GFPT1: variants seen among roughly 807,000 people sequenced by gnomAD.
GFPT1 encodes the protein glutamine--fructose-6-phosphate aminotransferase [isomerizing] 1.
GFPT1 carries 40 observed loss-of-function variants against 92.0 expected under a neutral mutation model. The observed-to-expected ratio is 0.43, with a 90% CI of 0.34 to 0.57. GFPT1 has a LOEUF of 0.57. Among genes scored for constraint, GFPT1 ranks in the 20% least tolerant of loss-of-function variants. The pLI, the probability that GFPT1 is intolerant of heterozygous loss-of-function variation, is 0.02. For missense variants in GFPT1, 448 were observed against 869.1 expected, an observed-to-expected ratio of 0.52 and a Z score of 6.09; for synonymous variants, 269 against 280.6, an observed-to-expected ratio of 0.96 and a Z score of 0.41.
chr2:69,363,477 A>G (rs2104665588), intron 4 of GFPT1, 68 bp downstream of exon 4: 1 of 1,444,216 alleles, frequency 6.9e-7, no homozygotes, highest in South Asian at 1.1e-5. Flanking sequence ...GAAAATCTAA[A>G]AGCCTTCATT....
chr2:69,327,528 G>C (rs1670560421), intron 18 of GFPT1, among the ~76,000 whole-genome samples: 1 of 151,382 alleles, frequency 6.6e-6, no homozygotes, highest in South Asian at 2.1e-4. Flanking sequence ...TTAGAGACAG[G>C]GTCTCACTAT....
At chr2:69,374,203 T>C (rs1671817396) in intron 1 of GFPT1, 90 bp from the exon 2 acceptor site, 2 of 688,816 alleles carry the variant, frequency 2.9e-6, no homozygotes, top group African/African-American at 1.8e-5. Context: ...AACGTGAAGT[T>C]AGATTCTGTC....
intron 9 of GFPT1, among the ~76,000 whole-genome samples, chr2:69,351,863 T>C (rs1671214221): frequency 6.6e-6 from 1 of 152,198 alleles, no homozygotes; most frequent in African/African-American, 2.4e-5. Flanking sequence ...GGGACCTTAT[T>C]GAGTGATGAA....
chr2:69,362,132 G>C (rs1400770769), intron 4 of GFPT1, among the ~76,000 whole-genome samples: 1 of 152,150 alleles, frequency 6.6e-6, no homozygotes, highest in Non-Finnish European at 1.5e-5. Context: ...AAACAGAAGA[G>C]TCTAGACTTG....
At chr2:69,362,707 G>T (rs1032720103) in intron 4 of GFPT1, among the ~76,000 whole-genome samples, 20 of 152,050 alleles carry the variant, frequency 1.3e-4, no homozygotes, top group Admixed American at 5.2e-4. Context: ...TGAGGCAGGA[G>T]AATTGCTTGA....
chr2:69,359,158 T>A, intron 5 of GFPT1, 110 bp downstream of exon 5: 1 of 735,012 alleles, frequency 1.4e-6, no homozygotes, highest in Non-Finnish European at 2.5e-6. Context: ...GTCCAAGAAA[T>A]TAATTGATGA....
chr2:69,367,724 G>C (rs114505672), intron 3 of GFPT1, among the ~76,000 whole-genome samples: 1,803 of 152,192 alleles, frequency 0.012, 32 homozygotes, highest in African/African-American at 0.041. Flanking sequence ...TCTAAATTTT[G>C]CAACAGTGAA....
Position 69,328,147 on chromosome 2 carries a change from C to T in GFPT1, c.1893+124G>A, listed in dbSNP as rs530150352. On this transcript the variant is annotated intron_variant, in intron 18 of 19. Transcript: ENST00000357308. The stretch of plus-strand genomic sequence containing the variant: ...AGTATCTGATTCCTCACATGTAAAC[C>T]TCAAAGGCTGTATTCCAAAGTAAAT... 3 of 767,332 alleles carry T rather than the reference C, an allele frequency of 3.9e-6. No homozygotes were observed. The East Asian group carries it at 7.8e-5, about 20-fold the overall frequency. The allele number at this position is 767,332 out of a possible 1,614,324, so 47.5% of individuals were successfully genotyped here.
At chr2:69,330,372 C>T (rs1670630823) in intron 15 of GFPT1, among the ~76,000 whole-genome samples, 1 of 151,878 alleles carries the variant, frequency 6.6e-6, no homozygotes, top group South Asian at 2.1e-4. Context: ...TCCTAATATC[C>T]CTAAGAAAGG....
At chr2:69,364,767 C>T (rs554926354) in intron 3 of GFPT1, among the ~76,000 whole-genome samples, 113 of 152,172 alleles carry the variant, frequency 7.4e-4, no homozygotes, top group Admixed American at 1.8e-3. Flanking sequence ...GAGGCAGAGG[C>T]GGGTGGGACA....
At chr2:69,377,833 C>G (rs939785432) in intron 1 of GFPT1, among the ~76,000 whole-genome samples, 8 of 152,244 alleles carry the variant, frequency 5.3e-5, no homozygotes, top group African/African-American at 1.4e-4. Flanking sequence ...GCGGGGATAC[C>G]GGGTTAACTG....
rs945168687 is a variant in GFPT1, at chr2:69,319,826, G to A, written c.*6363C>T. On this transcript the variant is annotated 3_prime_UTR_variant, in exon 20 of 20. Coordinates refer to ENST00000357308, the MANE Select transcript of GFPT1 (RefSeq NM_001244710.2). ...AGGATAAATACAAAATTAAGAAAGAGTTCAAATTCAAAGTAAATATGCTTG... is the reference window on the plus strand; with the variant it reads ...AGGATAAATACAAAATTAAGAAAGAATTCAAATTCAAAGTAAATATGCTTG... 2.0e-5 allele frequency: 3 copies of A among 152,056 alleles called. No homozygotes were observed. Among genetic ancestry groups the A allele is most frequent in the African/African-American group, 7.2e-5 (3 of 41,394 alleles). 9.4% of individuals were successfully genotyped at this position (152,056 alleles called of 1,614,324 possible). A position where few individuals can be genotyped will look rare whatever the true frequency, so the allele number is the denominator to read the frequency against.
At chr2:69,368,874 C>A (rs1671673766) in intron 3 of GFPT1, among the ~76,000 whole-genome samples, 1 of 152,216 alleles carries the variant, frequency 6.6e-6, no homozygotes, top group Non-Finnish European at 1.5e-5. Flanking sequence ...GGACTACTAT[C>A]ATTCCATCAA....
intron 9 of GFPT1, among the ~76,000 whole-genome samples, chr2:69,352,758 A>T (rs187575580): frequency 6.6e-6 from 1 of 151,954 alleles, no homozygotes; most frequent in African/African-American, 2.4e-5. Flanking sequence ...TGTAAAAAAA[A>T]TTTGAGGCTG....
intron 15 of GFPT1, among the ~76,000 whole-genome samples, chr2:69,330,068 AT>A (rs1670624914): frequency 2.0e-5 from 3 of 152,160 alleles, no homozygotes; most frequent in Non-Finnish European, 4.4e-5. Context: ...AAATACAAAA[AT>A]TAGCTGGGTG....
intron 2 of GFPT1, among the ~76,000 whole-genome samples, chr2:69,371,041 A>C (rs973143322): frequency 1.3e-5 from 2 of 150,784 alleles, no homozygotes; most frequent in African/African-American, 4.9e-5. Flanking sequence ...CAGGGTGAGG[A>C]CTGCAATGTA....
intron 1 of GFPT1, among the ~76,000 whole-genome samples, chr2:69,386,557 G>A (rs1343341736): frequency 6.6e-6 from 1 of 152,200 alleles, no homozygotes; most frequent in Non-Finnish European, 1.5e-5. Flanking sequence ...GAAGTATCAC[G>A]TTTAATGGCA....
In GFPT1 at chr2:69,337,060, A is replaced by AT. The variant is rs376497924; in HGVS notation, c.1482+837dup. The stretch of plus-strand genomic sequence containing the variant: ...ATTTTTTTTAATTGCCAAATTTTAA[A>AT]TTTTTTTTTTTTTTTTTTTTTTTAG... On this transcript the variant is annotated intron_variant, in intron 15 of 19. Transcript: ENST00000357308. Among the ~76,000 whole-genome samples, 160 of 118,498 alleles carry AT rather than the reference A, an allele frequency of 1.4e-3. 1 individual carries two copies. Among genetic ancestry groups the AT allele is most frequent in the Non-Finnish European group, 1.5e-3 (91 of 59,496 alleles). 77.7% of individuals were successfully genotyped at this position (118,498 alleles called of 152,430 possible).
At chr2:69,331,402 A>G (rs1386566588) in intron 15 of GFPT1, among the ~76,000 whole-genome samples, 1 of 152,192 alleles carries the variant, frequency 6.6e-6, no homozygotes, top group Non-Finnish European at 1.5e-5. Flanking sequence ...ATGCTACATT[A>G]ATGTTTGGGT....
Sources: allele counts gnomAD v4.1 joint callset (sites outside exome capture counted in the v4.1 genomes callset), GRCh38; gene constraint gnomAD v4.1.1; transcripts MANE v1.5; gene names NCBI Gene and HGNC (gene_info 2026-07-23, HGNC 2026-07-21).